Variants in HELQ observed in about 807,000 individuals in gnomAD.
The protein encoded by HELQ is helicase, POLQ like.
A neutral mutation model predicts 111.6 loss-of-function variants in HELQ; 77 were observed. That is an observed-to-expected ratio of 0.69 (90% CI 0.57 to 0.83). The LOEUF (loss-of-function observed/expected upper bound fraction) is 0.83, where lower values mean the gene tolerates loss of function less well. Among genes scored for constraint, HELQ ranks in the 40% least tolerant of loss-of-function variants. The pLI, the probability that HELQ is intolerant of heterozygous loss-of-function variation, is 0.00. For missense variants in HELQ, 1,200 were observed against 1,288.5 expected (o/e 0.93, Z 1.05); for synonymous variants, 438 against 454.7 (o/e 0.96, Z 0.47).
At position 83,429,719 on chromosome 4, in the gene HELQ, G is replaced by T. The variant is rs777759233; in HGVS notation, c.2323C>A (p.His775Asn). The T allele has an allele frequency of 8.2e-5, 132 of 1,612,126 alleles. No individual in the cohort carries two copies. The highest frequency in any genetic ancestry group is 1.1e-4 in the Non-Finnish European group (129 of 1,179,018). The change falls in exon 12 of 18, where the codon CAT (histidine) becomes AAT (asparagine). Residue 775 changes from histidine (H) to asparagine (N), a missense_variant. Around this residue, in one of 3 missense-constraint regions of HELQ, gnomAD observed 585 missense variants for 665.3 expected, o/e 0.88. Coordinates refer to ENST00000295488, the MANE Select transcript of HELQ (RefSeq NM_133636.5). ...CCAAAAAATGTACCATTCATGAAAT[G>T]ATAGATGTCATCAAGATTCGTTGCA... is the stretch of plus-strand genomic sequence containing the variant. The part of the protein sequence containing the change: ...KIATNLDDIY[H>N]FMNGTFFGVQ...
Position 83,427,670 on chromosome 4 carries a change from C to T in HELQ, c.2569G>A (p.Gly857Ser). The T allele has an allele frequency of 1.2e-6, 2 of 1,603,378 alleles. No individual in the cohort carries two copies. Among genetic ancestry groups the T allele is most frequent in the Non-Finnish European group, 8.5e-7 (1 of 1,175,332 alleles). ...CDILYRDLKK[G>S]LEGLVLESLL... ...CTTTCAAGCACAAGTCCTTCAAGACCTTTCTTCAAGTCTCTGTACAGAATG... is the reference window on the plus strand; with the variant it reads ...CTTTCAAGCACAAGTCCTTCAAGACTTTTCTTCAAGTCTCTGTACAGAATG... The change falls in exon 13 of 18, where the codon GGT (glycine) becomes AGT (serine). Residue 857 changes from glycine (G) to serine (S), a missense_variant. Physicochemically the swap from Gly to Ser is moderately conservative, Grantham distance 56. Coordinates refer to ENST00000295488, the MANE Select transcript of HELQ (RefSeq NM_133636.5).
At position 83,432,281 on chromosome 4, in the gene HELQ, G is replaced by A; in HGVS notation, c.2049-14C>T. 6.6e-7 allele frequency: 1 copy of A among 1,523,974 alleles called. No homozygotes were observed. Among genetic ancestry groups the A allele is most frequent in the Non-Finnish European group, 8.8e-7 (1 of 1,136,960 alleles). The allele number at this position is 1,523,974 out of a possible 1,614,324, so 94.4% of individuals were successfully genotyped here. A position where few individuals can be genotyped will look rare whatever the true frequency, so the allele number is the denominator to read the frequency against. On this transcript the variant is annotated splice_polypyrimidine_tract_variant and intron_variant, in intron 9 of 17. Coordinates refer to ENST00000295488, the MANE Select transcript of HELQ (RefSeq NM_133636.5). ...CTTAAAATAACTCTGTGGAATTAATGAAAAATGATACTCTACAGCAAACAG... is the reference window on the plus strand; with the variant it reads ...CTTAAAATAACTCTGTGGAATTAATAAAAAATGATACTCTACAGCAAACAG...
intron 15 of HELQ, among the ~76,000 whole-genome samples, chr4:83,419,611 A>G (rs1739555793): frequency 1.3e-5 from 2 of 151,570 alleles, no homozygotes; most frequent in African/African-American, 4.8e-5. Context: ...TTTTTTACTT[A>G]AACAATTCTA....
chr4:83,425,233 T>C (rs1719783739), intron 14 of HELQ, among the ~76,000 whole-genome samples: 1 of 138,738 alleles, frequency 7.2e-6, no homozygotes, highest in South Asian at 2.2e-4. Flanking sequence ...TGACCCAAGA[T>C]CATGCCACTG....
In HELQ at chr4:83,455,761, G is replaced by C; in HGVS notation, c.-68C>G. The C allele has an allele frequency of 2.0e-6, 3 of 1,463,966 alleles. No individual in the cohort carries two copies. Among genetic ancestry groups the C allele is most frequent in the East Asian group, 2.3e-5 (1 of 43,936 alleles). 90.7% of individuals were successfully genotyped at this position (1,463,966 alleles called of 1,614,324 possible). A position where few individuals can be genotyped will look rare whatever the true frequency, so the allele number is the denominator to read the frequency against. ...CCAGACGCTAAGCCCATATGGAAGGGAGAGTGGGACGCCGGAGCCCGCTTC... is the reference window on the plus strand; with the variant it reads ...CCAGACGCTAAGCCCATATGGAAGGCAGAGTGGGACGCCGGAGCCCGCTTC... On this transcript the variant is annotated 5_prime_UTR_variant, in exon 1 of 18. Coordinates refer to ENST00000295488, the MANE Select transcript of HELQ (RefSeq NM_133636.5).
chr4:83,415,882 A>T (rs868008771), intron 17 of HELQ, among the ~76,000 whole-genome samples: 1 of 149,546 alleles, frequency 6.7e-6, no homozygotes, highest in African/African-American at 2.5e-5. Context: ...CCTGGCTTCA[A>T]GTGATCCACC....
At chr4:83,426,829 G>A (rs1719877090) in intron 13 of HELQ, among the ~76,000 whole-genome samples, 1 of 152,188 alleles carries the variant, frequency 6.6e-6, no homozygotes, top group Non-Finnish European at 1.5e-5. Context: ...GCCTCCCAAA[G>A]TGCTGGGATT....
Position 83,431,650 on chromosome 4 carries a change from T to A in HELQ, c.2295+14A>T. The A allele has an allele frequency of 6.9e-7, 1 of 1,442,706 alleles. No homozygotes were observed. The highest frequency in any genetic ancestry group is 1.3e-5 in the South Asian group (1 of 77,934). The allele number at this position is 1,442,706 out of a possible 1,614,324, so 89.4% of individuals were successfully genotyped here. On this transcript the variant is annotated intron_variant, in intron 11 of 17. Transcript: ENST00000295488. ...CAGATAACAGTAATAAGATAAAAAA[T>A]TTAAGAAAAATACCTTCAAACCAAT...
rs376590864 is a variant in HELQ at position 83,432,484 on chromosome 4, T to G, written c.2049-217A>C. The stretch of plus-strand genomic sequence containing the variant: ...AGTTATAATATACTTTTTTATTTCA[T>G]TTTTATAAAGGAATTAATTACAACT... On this transcript the variant is annotated intron_variant, in intron 9 of 17. Coordinates refer to ENST00000295488, the MANE Select transcript of HELQ (RefSeq NM_133636.5). Among the ~76,000 whole-genome samples, 15 of 152,262 alleles carry G rather than the reference T, an allele frequency of 9.9e-5. 1 individual carries two copies. Among genetic ancestry groups the G allele is most frequent in the Admixed American group, 8.5e-4 (13 of 15,276 alleles).
intron 9 of HELQ, 68 bp downstream of exon 9, chr4:83,436,787 AAAC>A: frequency 6.6e-7 from 1 of 1,515,966 alleles, no homozygotes; most frequent in South Asian, 1.3e-5. Flanking sequence ...AGAAAGCATA[AAAC>A]AACAAAACTC....
chr4:83,439,391 G>A (rs1388470508), intron 8 of HELQ, among the ~76,000 whole-genome samples: 2 of 122,758 alleles, frequency 1.6e-5, no homozygotes, highest in South Asian at 5.2e-4. Flanking sequence ...ATGGAGTCTC[G>A]CTGTGTCACG....
At position 83,455,490 on chromosome 4, in the gene HELQ, G is replaced by A. The variant is rs151297435; in HGVS notation, c.204C>T (p.Leu68=). The change falls in exon 1 of 18, where the codon CTC becomes CTT. Residue 68 remains leucine (L), a synonymous_variant. Coordinates refer to ENST00000295488, the MANE Select transcript of HELQ (RefSeq NM_133636.5). ...VLPVEVQPLL[L]SDSPECLVLG... ...GGACGAGACATTCCGGGGAATCTGA[G>A]AGTAGAAGGGGCTGTACCTCAACCG... The A allele has an allele frequency of 1.3e-4, 207 of 1,614,182 alleles. No homozygotes were observed. The African/African-American group carries it at 2.3e-3, about 18-fold the overall frequency.
In HELQ at chr4:83,453,396, T is replaced by A. The variant is rs1442972738; in HGVS notation, c.847A>T (p.Ile283Leu). 3 of 1,606,608 alleles carry A rather than the reference T, an allele frequency of 1.9e-6. No homozygotes were observed. Among genetic ancestry groups the A allele is most frequent in the Non-Finnish European group, 2.5e-6 (3 of 1,178,088 alleles). ...TTGAGCTGTTTACTTCTAGAAAATA[T>A]TGGTGTCTGGGCCTTCGCATTTCCA... ...MTGNAKAQTP[I>L]FSRSKQLKDT... The change falls in exon 2 of 18, where the codon ATA (isoleucine) becomes TTA (leucine). Residue 283 changes from isoleucine to leucine, a missense_variant. Transcript: ENST00000295488.
chr4:83,436,688 C>T (rs1720478419), intron 9 of HELQ, among the ~76,000 whole-genome samples, 170 bp downstream of exon 9: 1 of 152,200 alleles, frequency 6.6e-6, no homozygotes, highest in Admixed American at 6.5e-5. Context: ...TATTTCATTA[C>T]ATATTCATTA....
intron 11 of HELQ, among the ~76,000 whole-genome samples, chr4:83,430,588 GTCAA>G (rs1720090046): frequency 6.6e-6 from 1 of 152,056 alleles, no homozygotes; most frequent in African/African-American, 2.4e-5. Flanking sequence ...CTAAAATATA[GTCAA>G]TCAATAAGTA....
rs573509786 is a variant in HELQ at position 83,451,649 on chromosome 4, G to A, written c.1012+1582C>T. Among the ~76,000 whole-genome samples, 190 of 151,018 alleles carry A rather than the reference G, an allele frequency of 1.3e-3. 1 individual carries two copies. The highest frequency in any genetic ancestry group is 4.5e-3 in the African/African-American group (181 of 40,500). On this transcript the variant is annotated intron_variant, in intron 2 of 17. Coordinates refer to ENST00000295488, the MANE Select transcript of HELQ (RefSeq NM_133636.5). Reference sequence around the variant, plus strand: ...CACTGCACTCCAGCCTGGGCAACACGCGAGACTCCGTCTCAAAAAAAAACA... The same window carrying A: ...CACTGCACTCCAGCCTGGGCAACACACGAGACTCCGTCTCAAAAAAAAACA...
intron 8 of HELQ, among the ~76,000 whole-genome samples, chr4:83,439,313 C>A (rs536812938): frequency 6.6e-6 from 1 of 151,764 alleles, no homozygotes; most frequent in Non-Finnish European, 1.5e-5. Flanking sequence ...GATCCGCACA[C>A]CTTGGCTTCC....
chr4:83,447,959 C>A (rs1238358735), intron 3 of HELQ, among the ~76,000 whole-genome samples: 1 of 151,818 alleles, frequency 6.6e-6, no homozygotes, highest in African/African-American at 2.4e-5. Flanking sequence ...CCTGTAATCC[C>A]AGCACTTTGG....
At chr4:83,444,040 C>G (rs1020949460) in intron 5 of HELQ, among the ~76,000 whole-genome samples, 1 of 151,910 alleles carries the variant, frequency 6.6e-6, no homozygotes, top group Non-Finnish European at 1.5e-5. Flanking sequence ...GAGACCTGAC[C>G]TCTTAAAAAA....
Sources: gnomAD v4.1 joint callset for allele counts (sites outside exome capture counted in the v4.1 genomes callset) on GRCh38, gnomAD v4.1.1 for gene constraint, gnomAD v4.1.1 regional missense constraint, MANE v1.5 for transcripts, NCBI Gene and HGNC (gene_info 2026-07-23, HGNC 2026-07-21) for gene names.